Variants in TMEM9 observed in about 807,000 individuals in gnomAD.
The protein encoded by TMEM9 is transmembrane protein 9, also known as proton-transporting V-type ATPase complex assembly regulator TMEM9.
Under a neutral mutation model 22.8 loss-of-function variants are expected in TMEM9, and 13 were observed. The observed-to-expected ratio is 0.57, with a 90% confidence interval of 0.37 to 0.91. The LOEUF (loss-of-function observed/expected upper bound fraction) is 0.91. Among genes scored for constraint, TMEM9 ranks in the 40% least tolerant of loss-of-function variants. TMEM9 has a pLI of 0.01. For missense variants in TMEM9, 182 were observed against 238.1 expected (o/e 0.76, Z 1.55); for synonymous variants, 88 against 93.0 (o/e 0.95, Z 0.31).
intron 1 of TMEM9, among the ~76,000 whole-genome samples, chr1:201,164,646 G>A (rs863826): frequency 0.46 from 69,371 of 151,818 alleles, 16,469 homozygotes; most frequent in East Asian, 0.68. Flanking sequence ...AGGCACAATG[G>A]GATCCAATAG....
chr1:201,153,051 C>CT (rs1665554323), intron 1 of TMEM9, among the ~76,000 whole-genome samples: 5 of 152,230 alleles, frequency 3.3e-5, no homozygotes, highest in Admixed American at 3.3e-4. Context: ...AAATACTGTG[C>CT]ACAGTAACCT....
intron 1 of TMEM9, among the ~76,000 whole-genome samples, chr1:201,152,763 G>C (rs1487936351): frequency 6.6e-6 from 1 of 152,198 alleles, no homozygotes; most frequent in African/African-American, 2.4e-5. Flanking sequence ...GCACAGACAT[G>C]ACCACAAAGA....
intron 1 of TMEM9, 73 bp from the exon 2 acceptor site, chr1:201,151,925 T>C: frequency 8.6e-7 from 1 of 1,168,848 alleles, no homozygotes; most frequent in East Asian, 2.4e-5. Flanking sequence ...TCTAGCAAGG[T>C]TGTCAACTTT....
At chr1:201,167,543 C>T (rs1274000759) in intron 1 of TMEM9, among the ~76,000 whole-genome samples, 1 of 152,172 alleles carries the variant, frequency 6.6e-6, no homozygotes, top group Admixed American at 6.5e-5. Flanking sequence ...GGGGAAGTTG[C>T]ATATCTTGTG....
chr1:201,159,269 G>A (rs868190068), upstream of TMEM9, among the ~76,000 whole-genome samples: 11 of 152,204 alleles, frequency 7.2e-5, no homozygotes, highest in South Asian at 6.2e-4. Flanking sequence ...CAGGTCAGGT[G>A]CCTGACGATG....
chr1:201,144,049 T>C lies in TMEM9; in HGVS notation c.268-98A>G, dbSNP rs1413512196. The C allele has an allele frequency of 3.6e-6, 5 of 1,391,130 alleles. No homozygotes were observed. In the Admixed American group the frequency reaches 9.8e-5, roughly 27 times the overall value. 86.2% of individuals were successfully genotyped at this position (1,391,130 alleles called of 1,614,324 possible). A position where few individuals can be genotyped will look rare whatever the true frequency, so the allele number is the denominator to read the frequency against. ...CCATCTGTGTCCGGCTGGCAGTGAC[T>C]CCTCAAGTGGTGCACTAAGAAAGGA... On this transcript the variant is annotated intron_variant, in intron 3 of 4. Transcript: ENST00000367330.
chr1:201,165,459 AC>A (rs1469453936), intron 1 of TMEM9, among the ~76,000 whole-genome samples: 1 of 143,720 alleles, frequency 7.0e-6, no homozygotes, highest in East Asian at 2.0e-4. Context: ...TTTTTTTGAG[AC>A]AGAGTCTTGC....
chr1:201,148,673 A>G (rs1665190134), intron 2 of TMEM9, among the ~76,000 whole-genome samples: 1 of 152,226 alleles, frequency 6.6e-6, no homozygotes, highest in East Asian at 1.9e-4. Context: ...AGAAGCATCA[A>G]GGGTGTGTGA....
At chr1:201,163,509 G>T (rs529114478) in intron 1 of TMEM9, among the ~76,000 whole-genome samples, 1 of 152,252 alleles carries the variant, frequency 6.6e-6, no homozygotes, top group South Asian at 2.1e-4. Flanking sequence ...AGAATTGCTT[G>T]AACCCAGGAG....
intron 3 of TMEM9, chr1:201,144,931 G>C (rs1664838407): frequency 1.3e-5 from 2 of 152,354 alleles, no homozygotes; most frequent in Admixed American, 1.3e-4. Context: ...GCCATTGCCG[G>C]CTTCTGATCT....
intron 2 of TMEM9, among the ~76,000 whole-genome samples, chr1:201,148,908 G>C (rs1049601613): frequency 5.3e-5 from 8 of 152,316 alleles, no homozygotes; most frequent in African/African-American, 1.7e-4. Flanking sequence ...GCGGAAAAAG[G>C]GTCACCCAGG....
chr1:201,151,818 G>A lies in TMEM9; in HGVS notation c.101C>T (p.Pro34Leu), dbSNP rs778016355. 2 of 1,613,796 alleles carry A rather than the reference G, an allele frequency of 1.2e-6. No homozygotes were observed. Among genetic ancestry groups the A allele is most frequent in the Non-Finnish European group, 1.7e-6 (2 of 1,180,010 alleles). Residue 34 changes from proline to leucine, a missense_variant, in exon 2 of 5, where the codon CCA (proline) becomes CTA (leucine). By Grantham distance (98) the Pro-to-Leu change is moderately conservative (BLOSUM62 -3). Coordinates refer to ENST00000367330, the MANE Select transcript of TMEM9 (RefSeq NM_001288565.2). ...GTGCCCACTGATGTTTCTATAAGGT[G>A]GACAGATGCATTTGCACCGGATATC... ...SEDIRCKCICPPYRNISGHIY... is the reference protein window; with the variant it reads ...SEDIRCKCICLPYRNISGHIY...
chr1:201,155,225 GATAC>G (rs1462974300), upstream of TMEM9, among the ~76,000 whole-genome samples: 1 of 151,694 alleles, frequency 6.6e-6, no homozygotes, highest in Non-Finnish European at 1.5e-5. Context: ...GCCTGGAAAA[GATAC>G]CTCCCTTCTC....
At chr1:201,142,413 A>G (rs566756399) in intron 4 of TMEM9, among the ~76,000 whole-genome samples, 78 of 152,232 alleles carry the variant, frequency 5.1e-4, no homozygotes, top group African/African-American at 1.8e-3. Flanking sequence ...AGCCCAGCCC[A>G]CCTACCCCAT....
rs2102212101 is a variant in TMEM9 at position 201,135,332 on chromosome 1, G to A, written c.*331C>T. ...GGTAACAACATTCCCAAGACTCAGA[G>A]CTGGAAGGCGGCAAGAGTGGAGCCA... On this transcript the variant is annotated 3_prime_UTR_variant, in exon 5 of 5. Coordinates refer to ENST00000367330, the MANE Select transcript of TMEM9 (RefSeq NM_001288565.2). 1 of 205,252 alleles carries A rather than the reference G, an allele frequency of 4.9e-6. No individual in the cohort carries two copies. The highest frequency in any genetic ancestry group is 1.1e-4 in the East Asian group (1 of 8,784). The allele number at this position is 205,252 out of a possible 1,614,324, so 12.7% of individuals were successfully genotyped here. A position where few individuals can be genotyped will look rare whatever the true frequency, so the allele number is the denominator to read the frequency against.
intron 3 of TMEM9, chr1:201,144,380 C>T: frequency 5.0e-6 from 1 of 198,740 alleles, no homozygotes; most frequent in Non-Finnish European, 1.0e-5. Context: ...GAAAAGTAAA[C>T]CTGGGCTGGT....
At chr1:201,137,657 C>T (rs1014578459) in intron 4 of TMEM9, among the ~76,000 whole-genome samples, 1 of 152,182 alleles carries the variant, frequency 6.6e-6, no homozygotes, top group Admixed American at 6.5e-5. Flanking sequence ...TTGAAATACA[C>T]TGGTTTAAGA....
intron 1 of TMEM9, among the ~76,000 whole-genome samples, chr1:201,159,744 A>T (rs184764472): frequency 5.8e-4 from 89 of 152,346 alleles, no homozygotes; most frequent in Non-Finnish European, 1.1e-3. Flanking sequence ...AACTTAGAAT[A>T]AAAGCATTAT....
chr1:201,157,394 C>G (rs527667397), upstream of TMEM9, among the ~76,000 whole-genome samples: 3 of 152,278 alleles, frequency 2.0e-5, no homozygotes, highest in South Asian at 6.2e-4. Flanking sequence ...CCCGGTAGCC[C>G]TTTTCTATGA....
Sources: allele counts gnomAD v4.1 joint callset (sites outside exome capture counted in the v4.1 genomes callset), GRCh38; gene constraint gnomAD v4.1.1; transcripts MANE v1.5; gene names NCBI Gene and HGNC (gene_info 2026-07-23, HGNC 2026-07-21).